The following PAK5 variants were observed in gnomAD, a reference collection of about 807,000 sequenced individuals.
PAK5 encodes the protein serine/threonine-protein kinase PAK 5.
Under a neutral mutation model 65.9 loss-of-function variants are expected in PAK5, and 16 were observed. The observed-to-expected ratio is 0.24, with a 90% CI of 0.16 to 0.37. PAK5 has a LOEUF of 0.37. Among genes scored for constraint, PAK5 ranks in the 10% least tolerant of loss-of-function variants. The pLI is 1.00. For missense variants in PAK5, 785 were observed against 903.9 expected (o/e 0.87, Z 1.69); for synonymous variants, 371 against 354.9 (o/e 1.05, Z -0.51).
intron 1 of PAK5, among the ~76,000 whole-genome samples, chr20:9,759,908 T>G (rs2048679046): frequency 6.6e-6 from 1 of 152,152 alleles, no homozygotes; most frequent in Admixed American, 6.5e-5. Context: ...CTATTCAATA[T>G]CCGCCTGTCA....
At chr20:9,822,691 G>A (rs2049436819) in intron 1 of PAK5, among the ~76,000 whole-genome samples, 1 of 152,216 alleles carries the variant, frequency 6.6e-6, no homozygotes, top group Admixed American at 6.5e-5. Context: ...GGAGGCAACA[G>A]GTATAGATGT....
chr20:9,659,310 T>C (rs1600209457), intron 2 of PAK5, among the ~76,000 whole-genome samples: 1 of 152,194 alleles, frequency 6.6e-6, no homozygotes, highest in Non-Finnish European at 1.5e-5. Flanking sequence ...TTATGTAACC[T>C]TAATTTTGCT....
intron 2 of PAK5, among the ~76,000 whole-genome samples, chr20:9,679,513 C>T (rs1468420853): frequency 6.6e-6 from 1 of 152,162 alleles, no homozygotes; most frequent in Non-Finnish European, 1.5e-5. Flanking sequence ...GGATGGTAAA[C>T]ACCTTTTTTT....
chr20:9,773,046 C>T (rs1447568661), intron 1 of PAK5, among the ~76,000 whole-genome samples: 3 of 152,152 alleles, frequency 2.0e-5, no homozygotes, highest in African/African-American at 7.2e-5. Context: ...TCTCACTCTT[C>T]AAAATCAAAC....
intron 1 of PAK5, among the ~76,000 whole-genome samples, chr20:9,805,860 T>A (rs1386128346): frequency 6.6e-6 from 1 of 152,188 alleles, no homozygotes; most frequent in Non-Finnish European, 1.5e-5. Context: ...CAAAATCAGG[T>A]GCAGTTCTCA....
intron 1 of PAK5, among the ~76,000 whole-genome samples, chr20:9,809,272 C>G (rs545167638): frequency 2.0e-5 from 3 of 151,718 alleles, no homozygotes; most frequent in Non-Finnish European, 2.9e-5. Context: ...GTAACTTGAC[C>G]CTGCAAAATG....
intron 1 of PAK5, among the ~76,000 whole-genome samples, chr20:9,737,289 T>C (rs1009968665): frequency 1.3e-5 from 2 of 152,034 alleles, no homozygotes; most frequent in Non-Finnish European, 2.9e-5. Context: ...TAGACACAAA[T>C]AAATTGAATT....
intron 1 of PAK5, among the ~76,000 whole-genome samples, chr20:9,719,009 C>G (rs951154173): frequency 6.6e-6 from 1 of 152,146 alleles, no homozygotes; most frequent in Non-Finnish European, 1.5e-5. Flanking sequence ...TCATCTGCCC[C>G]CCTGTGATCT....
intron 3 of PAK5, among the ~76,000 whole-genome samples, chr20:9,627,398 G>C (rs1044344091): frequency 2.0e-5 from 3 of 152,174 alleles, no homozygotes; most frequent in African/African-American, 7.2e-5. Flanking sequence ...AGATGCTGCT[G>C]ACCCATGAGG....
At chr20:9,662,289 C>A (rs1313895038) in intron 2 of PAK5, among the ~76,000 whole-genome samples, 7 of 152,066 alleles carry the variant, frequency 4.6e-5, no homozygotes. Flanking sequence ...TATGGGAATG[C>A]TGGTTTAGGA....
At chr20:9,677,383 C>T (rs1188015477) in intron 2 of PAK5, among the ~76,000 whole-genome samples, 1 of 152,146 alleles carries the variant, frequency 6.6e-6, no homozygotes, top group African/African-American at 2.4e-5. Flanking sequence ...TGTAGACTCT[C>T]AGATATATTG....
chr20:9,569,343 G>T lies in PAK5; in HGVS notation c.991-2959C>A, dbSNP rs1043746032. On this transcript the variant is annotated intron_variant, in intron 4 of 9. Coordinates refer to ENST00000353224, the MANE Select transcript of PAK5 (RefSeq NM_177990.4). Reference sequence around the variant, plus strand: ...AGGCATGCCCCAAGTCCAGGGAAGAGTTAAAGCTAAAGACATGAATCTGAG... The same window carrying T: ...AGGCATGCCCCAAGTCCAGGGAAGATTTAAAGCTAAAGACATGAATCTGAG... 2.0e-5 allele frequency among the ~76,000 whole-genome samples: 3 copies of T among 152,162 alleles called. No individual in the cohort carries two copies. In the East Asian group the frequency reaches 5.8e-4, roughly 29 times the overall value.
intron 4 of PAK5, among the ~76,000 whole-genome samples, chr20:9,578,479 G>C (rs2045924555): frequency 6.6e-6 from 1 of 152,052 alleles, no homozygotes; most frequent in African/African-American, 2.4e-5. Context: ...AAGGCTCCAG[G>C]ACCAAAATGC....
rs2049024187 is a variant in PAK5 at position 9,789,224 on chromosome 20, A to G, written c.-162+49538T>C. Among the ~76,000 whole-genome samples, 3 of 152,190 alleles carry G rather than the reference A, an allele frequency of 2.0e-5. No individual in the cohort carries two copies. The South Asian group carries it at 6.2e-4, about 31-fold the overall frequency. On this transcript the variant is annotated intron_variant, in intron 1 of 9. Coordinates refer to ENST00000353224, the MANE Select transcript of PAK5 (RefSeq NM_177990.4). Reference sequence around the variant, plus strand: ...GGGTTTTCTTTCTTCTTTAAAAAATACTGTATGTAGCAGAAGTTATGTCTT... The same window carrying G: ...GGGTTTTCTTTCTTCTTTAAAAAATGCTGTATGTAGCAGAAGTTATGTCTT...
chr20:9,832,164 T>C (rs182454910), intron 1 of PAK5, among the ~76,000 whole-genome samples: 260 of 152,186 alleles, frequency 1.7e-3, no homozygotes, highest in South Asian at 3.1e-3. Context: ...TATATTATAA[T>C]ACACAATTTT....
At chr20:9,782,784 T>G (rs2048954284) in intron 1 of PAK5, among the ~76,000 whole-genome samples, 1 of 152,096 alleles carries the variant, frequency 6.6e-6, no homozygotes. Context: ...AATCAGAAAT[T>G]GAATTATAAT....
rs564925874 is a variant in PAK5 at position 9,709,845 on chromosome 20, C to A, written c.-12+1441G>T. ...TCCAACAGTAGCTGTTGGCTTCTTG[C>A]AAATTTGGACCTACAAGGTCATTGC... On this transcript the variant is annotated intron_variant, in intron 2 of 9. Transcript: ENST00000353224. Among the ~76,000 whole-genome samples the A allele has an allele frequency of 6.6e-5, 10 of 152,260 alleles. No individual in the cohort carries two copies. The East Asian group carries it at 1.7e-3, about 27-fold the overall frequency.
intron 1 of PAK5, among the ~76,000 whole-genome samples, chr20:9,828,180 T>C (rs964010107): frequency 1.3e-5 from 2 of 152,064 alleles, no homozygotes; most frequent in African/African-American, 4.8e-5. Context: ...AGGAGAAGAG[T>C]AGACTCTACT....
At chr20:9,795,827 G>C (rs1375110685) in intron 1 of PAK5, among the ~76,000 whole-genome samples, 1 of 152,020 alleles carries the variant, frequency 6.6e-6, no homozygotes, top group Non-Finnish European at 1.5e-5. Flanking sequence ...GAGAGGAAGA[G>C]AGAGAAAGAA....
Sources: allele counts gnomAD v4.1 joint callset (sites outside exome capture counted in the v4.1 genomes callset), GRCh38; gene constraint gnomAD v4.1.1; transcripts MANE v1.5; gene names NCBI Gene and HGNC (gene_info 2026-07-23, HGNC 2026-07-21).